The following WASF2 variants were observed in gnomAD, a reference collection of about 807,000 sequenced individuals.
WASF2 encodes the protein WASP family member 2.
Under a neutral mutation model 45.0 loss-of-function variants are expected in WASF2, and 14 were observed. The observed-to-expected ratio is 0.31, with a 90% CI of 0.21 to 0.49. The LOEUF (loss-of-function observed/expected upper bound fraction) is 0.49, where lower values mean the gene tolerates loss of function less well. Among genes scored for constraint, WASF2 ranks in the 20% least tolerant of loss-of-function variants. The pLI, the probability that WASF2 is intolerant of heterozygous loss-of-function variation, is 0.99. For synonymous variants in WASF2, 200 were observed against 236.3 expected (o/e 0.85, Z 1.41); for missense variants, 439 against 636.1 (o/e 0.69, Z 3.33).
rs2016703337 is a variant in WASF2 at position 27,408,032 on chromosome 1, A to G, written c.*157T>C. The G allele has an allele frequency of 2.5e-5, 20 of 806,454 alleles. No homozygotes were observed. The South Asian group carries it at 4.1e-4, about 17-fold the overall frequency. 50.0% of individuals were successfully genotyped at this position (806,454 alleles called of 1,614,324 possible). On this transcript the variant is annotated 3_prime_UTR_variant, in exon 9 of 9. Coordinates refer to ENST00000618852, the MANE Select transcript of WASF2 (RefSeq NM_006990.5). ...AGGAAATACATGTTGACTTGGAGGA[A>G]GCACTTGGATATATCTTTGGTTGCT... is the stretch of plus-strand genomic sequence containing the variant.
chr1:27,468,570 G>C (rs1217933605), intron 1 of WASF2, among the ~76,000 whole-genome samples: 3 of 151,846 alleles, frequency 2.0e-5, no homozygotes, highest in Non-Finnish European at 4.4e-5. Context: ...GAACCTGGGG[G>C]ACAGAGGTTA....
chr1:27,416,930 C>A (rs2016834610), intron 4 of WASF2, among the ~76,000 whole-genome samples: 1 of 152,210 alleles, frequency 6.6e-6, no homozygotes, highest in South Asian at 2.1e-4. Context: ...TTTATCTTAA[C>A]ATTATTCTGA....
intron 1 of WASF2, among the ~76,000 whole-genome samples, chr1:27,432,022 ATGCACCAT>A (rs2017071839): frequency 6.6e-6 from 1 of 152,256 alleles, no homozygotes; most frequent in African/African-American, 2.4e-5. Flanking sequence ...GTGAAATGAC[ATGCACCAT>A]TGCTCATTTT....
In WASF2 at chr1:27,410,410, T is replaced by C. The variant is rs117016770; in HGVS notation, c.825-204A>G. 6.6e-6 allele frequency among the ~76,000 whole-genome samples: 1 copy of C among 152,274 alleles called. No individual in the cohort carries two copies. Among genetic ancestry groups the C allele is most frequent in the East Asian group, 1.9e-4 (1 of 5,184 alleles). On this transcript the variant is annotated intron_variant, in intron 7 of 8. Transcript: ENST00000618852. The surrounding 1 kb of genome is among the most constrained non-coding windows in gnomAD (Gnocchi z 4.2). ...TTTAAGGTAATGAGCTTCCCACCAG[T>C]AGAGGAGGATAGACAGATTGAGTAA...
chr1:27,460,541 G>T (rs1329072388), intron 1 of WASF2, among the ~76,000 whole-genome samples: 1 of 152,096 alleles, frequency 6.6e-6, no homozygotes, highest in Non-Finnish European at 1.5e-5. Flanking sequence ...ATTCACCTTG[G>T]TTTACATCAA....
chr1:27,443,159 G>A (rs1490795300), intron 1 of WASF2, among the ~76,000 whole-genome samples: 1 of 149,646 alleles, frequency 6.7e-6, no homozygotes, highest in Admixed American at 6.7e-5. Flanking sequence ...GTGAGACCCT[G>A]TTTCTAAATA....
chr1:27,441,256 G>A (rs907742207), intron 1 of WASF2, among the ~76,000 whole-genome samples: 12 of 152,130 alleles, frequency 7.9e-5, no homozygotes, highest in Admixed American at 7.9e-4. Flanking sequence ...ACTTTGGGAG[G>A]CCAAGGTGGG....
At chr1:27,475,648 G>A in intron 1 of WASF2, among the ~76,000 whole-genome samples, 1 of 152,028 alleles carries the variant, frequency 6.6e-6, no homozygotes, top group African/African-American at 2.4e-5. Context: ...TTTTGTTTGA[G>A]AGAGTGTCTG....
intron 1 of WASF2, among the ~76,000 whole-genome samples, chr1:27,454,183 A>ATTTTTTT (rs2017433113): frequency 1.2e-4 from 1 of 8,480 alleles, no homozygotes; most frequent in African/African-American, 3.0e-4. Context: ...ATATATATAT[A>ATTTTTTT]TATATTTTTT....
intron 2 of WASF2, among the ~76,000 whole-genome samples, chr1:27,421,096 A>G (rs1022463075): frequency 1.3e-5 from 2 of 152,240 alleles, no homozygotes; most frequent in African/African-American, 4.8e-5. Context: ...ATTTAAGTCA[A>G]TAAGGACTTC....
chr1:27,471,629 A>AAC (rs1017489890), intron 1 of WASF2, among the ~76,000 whole-genome samples: 11 of 151,726 alleles, frequency 7.2e-5, no homozygotes, highest in South Asian at 4.1e-4. Flanking sequence ...ACCTGTCTCA[A>AAC]ACACACACAC....
intron 1 of WASF2, among the ~76,000 whole-genome samples, chr1:27,465,282 T>C (rs1374859908): frequency 2.0e-5 from 3 of 152,186 alleles, no homozygotes; most frequent in East Asian, 3.8e-4. Flanking sequence ...GTAAATAAGA[T>C]TGCAGGGAGA....
At chr1:27,465,929 C>T (rs1251348648) in intron 1 of WASF2, among the ~76,000 whole-genome samples, 1 of 152,170 alleles carries the variant, frequency 6.6e-6, no homozygotes, top group African/African-American at 2.4e-5. Context: ...CAAAAGGAAT[C>T]AGGAGCTAGC....
intron 1 of WASF2, among the ~76,000 whole-genome samples, chr1:27,447,896 T>A (rs1314678503): frequency 1.3e-5 from 2 of 152,226 alleles, no homozygotes; most frequent in Non-Finnish European, 2.9e-5. Flanking sequence ...AAGGTGTCTT[T>A]AAATGCCTAC....
intron 1 of WASF2, among the ~76,000 whole-genome samples, chr1:27,468,866 T>C (rs2017651272): frequency 7.1e-6 from 1 of 141,094 alleles, no homozygotes; most frequent in East Asian, 2.0e-4. Flanking sequence ...GAGGTTGCAA[T>C]GGGCTGAGAT....
At chr1:27,471,550 C>T (rs575201639) in intron 1 of WASF2, among the ~76,000 whole-genome samples, 2 of 152,136 alleles carry the variant, frequency 1.3e-5, no homozygotes, top group Admixed American at 1.3e-4. Flanking sequence ...CTCACTTCAG[C>T]CCAGGAAGCT....
At chr1:27,428,631 G>A in intron 2 of WASF2, 130 bp downstream of exon 2, 1 of 1,373,892 alleles carries the variant, frequency 7.3e-7, no homozygotes. Context: ...GGGAGGAGAG[G>A]GAGGATACAT....
intron 1 of WASF2, among the ~76,000 whole-genome samples, chr1:27,432,349 T>TA (rs1471072878): frequency 1.3e-5 from 2 of 151,904 alleles, no homozygotes; most frequent in African/African-American, 2.4e-5. Flanking sequence ...ACAGGGCTTT[T>TA]AAAAAAAGGC....
chr1:27,408,072 G>T lies in WASF2; in HGVS notation c.*117C>A. On this transcript the variant is annotated 3_prime_UTR_variant, in exon 9 of 9. Coordinates refer to ENST00000618852, the MANE Select transcript of WASF2 (RefSeq NM_006990.5). ...CTTTGGTTGCTTCAGGGAAAGCTTT[G>T]GCCCCTTAAAATTACTTTTTTCCTC... 8.0e-7 allele frequency: 1 copy of T among 1,243,850 alleles called. No homozygotes were observed. Among genetic ancestry groups the T allele is most frequent in the Non-Finnish European group, 1.1e-6 (1 of 903,868 alleles). 77.1% of individuals were successfully genotyped at this position (1,243,850 alleles called of 1,614,324 possible). A position where few individuals can be genotyped will look rare whatever the true frequency, so the allele number is the denominator to read the frequency against.
Sources: allele counts gnomAD v4.1 joint callset (sites outside exome capture counted in the v4.1 genomes callset), GRCh38; gene constraint gnomAD v4.1.1; non-coding constraint Gnocchi (gnomAD v3.1); transcripts MANE v1.5; gene names NCBI Gene and HGNC (gene_info 2026-07-23, HGNC 2026-07-21).